Variants in WWC2 observed in about 807,000 individuals in gnomAD.
WWC2 encodes the protein WW and C2 domain containing 2, also known as protein WWC2.
In WWC2, 101 loss-of-function variants were observed where a neutral mutation model predicts 138.5. The observed-to-expected ratio is 0.73, with a 90% CI of 0.62 to 0.86. The LOEUF (loss-of-function observed/expected upper bound fraction) is 0.86, where lower values mean the gene tolerates loss of function less well. WWC2 is among the 40% of genes least tolerant of loss of function. The pLI, the probability that WWC2 is intolerant of heterozygous loss-of-function variation, is 0.00. For missense variants in WWC2, 1,420 were observed against 1,419.4 expected (o/e 1.00, Z -0.01); for synonymous variants, 558 against 538.4 (o/e 1.04, Z -0.50).
rs570431124 is a variant in WWC2, at chr4:183,313,424, T to TG, written c.3512+962dup. On this transcript the variant is annotated intron_variant, in intron 22 of 22. Transcript: ENST00000403733. ...GCCAGTTAGGTTCATGGGAGGTTTG[T>TG]GGGGGGCAGTGGCTGCCCTGTGGTG... is the stretch of plus-strand genomic sequence containing the variant. 3.4e-3 allele frequency among the ~76,000 whole-genome samples: 514 copies of TG among 151,858 alleles called. 2 individuals carry two copies. Among genetic ancestry groups the TG allele is most frequent in the Admixed American group, 4.8e-3 (73 of 15,260 alleles).
intron 5 of WWC2, among the ~76,000 whole-genome samples, chr4:183,244,573 A>T (rs1736714383): frequency 6.7e-6 from 1 of 149,582 alleles, no homozygotes; most frequent in African/African-American, 2.5e-5. Context: ...TAAATATTAT[A>T]TATATATATA....
chr4:183,119,130 T>A (rs1417497004), intron 1 of WWC2, among the ~76,000 whole-genome samples: 1 of 152,152 alleles, frequency 6.6e-6, no homozygotes, highest in Non-Finnish European at 1.5e-5. Context: ...AAACTAGCAG[T>A]GTTTACCTAA....
At chr4:183,210,675 T>C (rs547905245) in intron 4 of WWC2, among the ~76,000 whole-genome samples, 26 of 152,342 alleles carry the variant, frequency 1.7e-4, no homozygotes, top group African/African-American at 5.5e-4. Context: ...CAGAGTATAC[T>C]AATGCAAGCC....
At chr4:183,131,803 T>C (rs72693707) in intron 1 of WWC2, among the ~76,000 whole-genome samples, 6,447 of 152,304 alleles carry the variant, frequency 0.042, 167 homozygotes, top group African/African-American at 0.069. Context: ...TAGAGATTTG[T>C]CTTTATATTT....
chr4:183,257,559 A>G (rs1737188832), intron 9 of WWC2, among the ~76,000 whole-genome samples: 1 of 152,162 alleles, frequency 6.6e-6, no homozygotes, highest in Non-Finnish European at 1.5e-5. Context: ...GGAGTTGGAG[A>G]AGAACCTAGA....
intron 1 of WWC2, among the ~76,000 whole-genome samples, chr4:183,187,997 C>T (rs1734864901): frequency 6.6e-6 from 1 of 152,102 alleles, no homozygotes; most frequent in Non-Finnish European, 1.5e-5. Flanking sequence ...ACATAATAGA[C>T]AACTAATAAA....
At chr4:183,314,138 C>T (rs994374362) in intron 22 of WWC2, among the ~76,000 whole-genome samples, 31 of 152,160 alleles carry the variant, frequency 2.0e-4, no homozygotes, top group African/African-American at 6.3e-4. Flanking sequence ...AGTGGGCTCA[C>T]AGCTCTTTCA....
At chr4:183,210,273 G>A (rs752848145) in intron 4 of WWC2, among the ~76,000 whole-genome samples, 2 of 152,138 alleles carry the variant, frequency 1.3e-5, no homozygotes, top group South Asian at 4.2e-4. Context: ...CGTGGACCTC[G>A]GGGGTGGGGC....
At chr4:183,190,511 G>T (rs900483810) in intron 1 of WWC2, among the ~76,000 whole-genome samples, 2 of 152,026 alleles carry the variant, frequency 1.3e-5, no homozygotes, top group Admixed American at 1.3e-4. Context: ...ATTTGCATAA[G>T]AATTCAGTCC....
chr4:183,191,754 G>T (rs1469117544), intron 1 of WWC2, among the ~76,000 whole-genome samples: 1 of 151,588 alleles, frequency 6.6e-6, no homozygotes, highest in Admixed American at 6.6e-5. Flanking sequence ...TAGAGACAGG[G>T]TCTTGCTCTG....
intron 5 of WWC2, among the ~76,000 whole-genome samples, chr4:183,244,312 A>G (rs1428243553): frequency 6.6e-6 from 1 of 152,188 alleles, no homozygotes; most frequent in East Asian, 1.9e-4. Flanking sequence ...TAAAAGAATT[A>G]GGTAATTCGA....
chr4:183,268,261 T>G (rs767439088), intron 14 of WWC2, among the ~76,000 whole-genome samples: 3 of 152,204 alleles, frequency 2.0e-5, no homozygotes, highest in Non-Finnish European at 4.4e-5. Context: ...TACCTCACGC[T>G]CTTTCTAAGA....
intron 1 of WWC2, among the ~76,000 whole-genome samples, chr4:183,103,080 A>G (rs982905329): frequency 6.6e-6 from 1 of 152,110 alleles, no homozygotes; most frequent in Non-Finnish European, 1.5e-5. Context: ...AGTTGAACTG[A>G]AAGATTTCAC....
intron 4 of WWC2, among the ~76,000 whole-genome samples, chr4:183,218,859 G>C (rs1251606644): frequency 3.3e-5 from 5 of 152,210 alleles, no homozygotes; most frequent in Non-Finnish European, 7.3e-5. Flanking sequence ...TGTATACTCA[G>C]AGTTCACCAG....
At chr4:183,113,080 C>A (rs1732288512) in intron 1 of WWC2, among the ~76,000 whole-genome samples, 1 of 152,042 alleles carries the variant, frequency 6.6e-6, no homozygotes, top group Non-Finnish European at 1.5e-5. Context: ...CGAGACCAGC[C>A]TAGCCAACAT....
chr4:183,116,276 ACCATAAGTTATGTGAAGAGC>A (rs1395503389), intron 1 of WWC2, among the ~76,000 whole-genome samples: 1 of 152,198 alleles, frequency 6.6e-6, no homozygotes, highest in African/African-American at 2.4e-5. Context: ...GATGACAAGT[ACCATAAGTTATGTGAAGAGC>A]CCTTCACATA....
chr4:183,195,086 G>A (rs1377912915), intron 2 of WWC2, among the ~76,000 whole-genome samples: 1 of 152,060 alleles, frequency 6.6e-6, no homozygotes, highest in Admixed American at 6.6e-5. Context: ...AGGTTTTATT[G>A]TGTATCAGTC....
At chr4:183,241,598 A>G (rs558188866) in intron 5 of WWC2, among the ~76,000 whole-genome samples, 9 of 152,318 alleles carry the variant, frequency 5.9e-5, no homozygotes, top group Middle Eastern at 6.8e-3. Context: ...GAGTGCTTAG[A>G]AAAATAATGT....
intron 4 of WWC2, among the ~76,000 whole-genome samples, chr4:183,218,470 C>T (rs942225202): frequency 1.3e-5 from 2 of 152,042 alleles, no homozygotes; most frequent in Admixed American, 1.3e-4. Context: ...CAAGGTAATT[C>T]TAAATTTAAC....
Sources: allele counts gnomAD v4.1 joint callset (sites outside exome capture counted in the v4.1 genomes callset), GRCh38; gene constraint gnomAD v4.1.1; transcripts MANE v1.5; gene names NCBI Gene and HGNC (gene_info 2026-07-23, HGNC 2026-07-21).